The following DACH2 variants were observed in gnomAD, a reference collection of about 807,000 sequenced individuals.
DACH2 encodes the protein dachshund homolog 2.
DACH2 carries 17 observed loss-of-function variants against 35.8 expected under a neutral mutation model. That is an observed-to-expected ratio of 0.48 (90% confidence interval 0.33 to 0.71). The LOEUF is 0.71. Ranked by LOEUF, DACH2 falls within the 30% of genes least tolerant of loss-of-function variation. The pLI is 0.02. For missense variants in DACH2, 469 were observed against 472.7 expected, an observed-to-expected ratio of 0.99 and a Z score of 0.07; for synonymous variants, 195 against 177.3, an observed-to-expected ratio of 1.10 and a Z score of -0.79.
At chrX:86,274,994 G>A (rs1323480607) in intron 1 of DACH2, among the ~76,000 whole-genome samples, 1 of 111,502 alleles carries the variant, frequency 9.0e-6, no homozygotes, top group East Asian at 2.8e-4. Context: ...AGTATTGAAA[G>A]CAGCACAGCA....
At chrX:86,315,412 A>C (rs756480288) in intron 1 of DACH2, among the ~76,000 whole-genome samples, 2 of 112,352 alleles carry the variant, frequency 1.8e-5, no homozygotes, top group East Asian at 5.6e-4. Flanking sequence ...TGTTTTCATG[A>C]CTGCTAACAT....
At chrX:86,456,123 C>T (rs2037470928) in intron 2 of DACH2, among the ~76,000 whole-genome samples, 1 of 111,986 alleles carries the variant, frequency 8.9e-6, no homozygotes, top group Admixed American at 9.5e-5. Context: ...GGCCTTCACC[C>T]CACCCTGCTT....
chrX:86,489,012 T>G (rs979171454), intron 2 of DACH2, among the ~76,000 whole-genome samples: 1 of 111,665 alleles, frequency 9.0e-6, no homozygotes, highest in Non-Finnish European at 1.9e-5. Flanking sequence ...AGGCAGGCAG[T>G]CAGTGGCTAT....
At chrX:86,185,445 C>T (rs970324176) in intron 1 of DACH2, among the ~76,000 whole-genome samples, 3 of 111,210 alleles carry the variant, frequency 2.7e-5, no homozygotes, top group African/African-American at 9.8e-5. Context: ...TAACTTCAGG[C>T]TGTAATTTCT....
intron 7 of DACH2, among the ~76,000 whole-genome samples, chrX:86,783,954 A>G (rs1048516294): frequency 9.0e-6 from 1 of 111,002 alleles, no homozygotes. Context: ...ACTATTGTCA[A>G]TAATAACTTA....
intron 2 of DACH2, among the ~76,000 whole-genome samples, chrX:86,489,447 AT>A (rs1317378100): frequency 3.6e-5 from 4 of 111,107 alleles, no homozygotes; most frequent in Admixed American, 1.9e-4. Flanking sequence ...TAAATTATAG[AT>A]TTTTTTCTGT....
At chrX:86,422,312 T>A (rs1030285625) in intron 2 of DACH2, among the ~76,000 whole-genome samples, 1 of 111,197 alleles carries the variant, frequency 9.0e-6, no homozygotes, top group Non-Finnish European at 1.9e-5. Context: ...GACTATTTTG[T>A]CCTTGGTTTG....
At position 86,739,772 on chromosome X, in the gene DACH2, C is replaced by T. The variant is rs181242757; in HGVS notation, c.1130C>T (p.Pro377Leu). 7 of 1,179,713 alleles carry T rather than the reference C, an allele frequency of 5.9e-6. No individual in the cohort carries two copies. The highest frequency in any genetic ancestry group is 3.2e-5 in the East Asian group (1 of 31,662). ...IKERIPESPS[P>L]APSLEENHRP... ...GAGCGGATCCCAGAGAGTCCTTCTCCTGCTCCTTCTCTAGAAGAGAATCAT... is the reference window on the plus strand; with the variant it reads ...GAGCGGATCCCAGAGAGTCCTTCTCTTGCTCCTTCTCTAGAAGAGAATCAT... The change falls in exon 7 of 12, where the codon CCT (proline) becomes CTT (leucine). Residue 377 changes from proline (P) to leucine (L), a missense_variant. Physicochemically the swap from Pro to Leu is moderately conservative, Grantham distance 98. This residue lies in a region of DACH2 where 363 missense variants were observed against 334.4 expected (regional missense o/e 1.09). Transcript: ENST00000373125.
intron 3 of DACH2, among the ~76,000 whole-genome samples, chrX:86,592,939 C>A (rs1189582605): frequency 8.9e-6 from 1 of 111,853 alleles, no homozygotes; most frequent in Non-Finnish European, 1.9e-5. Context: ...GCTGTATACA[C>A]AATCATGTCA....
intron 5 of DACH2, among the ~76,000 whole-genome samples, chrX:86,701,035 T>G (rs1337394085): frequency 9.0e-6 from 1 of 111,462 alleles, no homozygotes; most frequent in Non-Finnish European, 1.9e-5. Context: ...TCCTTGCAGA[T>G]GCACACCAAA....
chrX:86,170,860 C>A (rs139231765), intron 1 of DACH2, among the ~76,000 whole-genome samples: 4 of 111,992 alleles, frequency 3.6e-5, no homozygotes, highest in Non-Finnish European at 5.6e-5. Context: ...TTTAGGGAGA[C>A]GTGAGACCTC....
At chrX:86,563,178 A>G (rs768091054) in intron 3 of DACH2, among the ~76,000 whole-genome samples, 11 of 109,399 alleles carry the variant, frequency 1.0e-4, no homozygotes, top group South Asian at 3.8e-4. Flanking sequence ...TGGTATGGGT[A>G]CTAAGTAGAG....
intron 1 of DACH2, among the ~76,000 whole-genome samples, chrX:86,230,244 G>T (rs2032920343): frequency 9.0e-6 from 1 of 111,039 alleles, no homozygotes; most frequent in African/African-American, 3.3e-5. Flanking sequence ...TTTTAATTCT[G>T]TTTATGTGGT....
intron 2 of DACH2, among the ~76,000 whole-genome samples, chrX:86,408,897 T>A (rs1041373101): frequency 8.1e-5 from 9 of 111,637 alleles, no homozygotes; most frequent in African/African-American, 2.9e-4. Context: ...GCTCAATGAA[T>A]AACTGTAAGG....
At chrX:86,764,249 A>G (rs1364281999) in intron 7 of DACH2, among the ~76,000 whole-genome samples, 1 of 112,027 alleles carries the variant, frequency 8.9e-6, no homozygotes, top group African/African-American at 3.2e-5. Flanking sequence ...ATTATAGGTT[A>G]AAGGGTACAT....
intron 3 of DACH2, among the ~76,000 whole-genome samples, chrX:86,566,296 G>A (rs1163871800): frequency 3.6e-5 from 4 of 111,649 alleles, no homozygotes; most frequent in Non-Finnish European, 7.6e-5. Flanking sequence ...TTAGATGTTA[G>A]CAAGGATTAA....
At chrX:86,288,580 A>T (rs1218074167) in intron 1 of DACH2, among the ~76,000 whole-genome samples, 1 of 111,828 alleles carries the variant, frequency 8.9e-6, no homozygotes, top group Admixed American at 9.4e-5. Context: ...TACTGTGGCT[A>T]CCCTGGCACT....
intron 3 of DACH2, among the ~76,000 whole-genome samples, chrX:86,640,875 CA>C (rs1164588724): frequency 1.8e-5 from 2 of 111,819 alleles, no homozygotes; most frequent in African/African-American, 3.3e-5. Flanking sequence ...AAACCAGAGA[CA>C]AAAAGTCAGC....
chrX:86,723,408 T>C (rs2041430923), intron 6 of DACH2, among the ~76,000 whole-genome samples: 1 of 110,125 alleles, frequency 9.1e-6, no homozygotes, highest in Non-Finnish European at 1.9e-5. Context: ...GTAAGCTTTC[T>C]ACATGTTTGA....
Sources: allele counts gnomAD v4.1 joint callset (sites outside exome capture counted in the v4.1 genomes callset), GRCh38; gene constraint gnomAD v4.1.1; regional missense constraint gnomAD v4.1.1; transcripts MANE v1.5; gene names NCBI Gene and HGNC (gene_info 2026-07-23, HGNC 2026-07-21).